CELF4: variants seen among roughly 807,000 people sequenced by gnomAD.
CELF4 encodes the protein CUGBP Elav-like family member 4.
In CELF4, 18 loss-of-function variants were observed where a neutral mutation model predicts 59.9. The observed-to-expected ratio is 0.30, with a 90% CI of 0.21 to 0.45. The LOEUF (loss-of-function observed/expected upper bound fraction) is 0.45, where lower values mean the gene tolerates loss of function less well. CELF4 is among the 20% of genes least tolerant of loss of function. The pLI, the probability that CELF4 is intolerant of heterozygous loss-of-function variation, is 1.00. For synonymous variants in CELF4, 261 were observed against 267.1 expected, an observed-to-expected ratio of 0.98 and a Z score of 0.22; for missense variants, 456 against 689.0, an observed-to-expected ratio of 0.66 and a Z score of 3.79.
At chr18:37,363,881 C>T (rs4799920) in intron 2 of CELF4, among the ~76,000 whole-genome samples, 87,575 of 151,880 alleles carry the variant, frequency 0.58, 25,446 homozygotes, top group South Asian at 0.7. Context: ...TACTCTCTGG[C>T]CTCCTCTGCC....
intron 12 of CELF4, among the ~76,000 whole-genome samples, chr18:37,250,215 T>C (rs559711621): frequency 6.6e-6 from 1 of 152,298 alleles, no homozygotes; most frequent in East Asian, 1.9e-4. Flanking sequence ...ATTTATTTCC[T>C]GGCAAAGATT....
intron 2 of CELF4, among the ~76,000 whole-genome samples, chr18:37,407,385 C>T (rs559364295): frequency 2.0e-5 from 3 of 152,246 alleles, no homozygotes; most frequent in African/African-American, 7.2e-5. Context: ...ATTCCTGGGT[C>T]CCATCACTTC....
At chr18:37,420,680 C>T (rs923756363) in intron 2 of CELF4, among the ~76,000 whole-genome samples, 1 of 152,150 alleles carries the variant, frequency 6.6e-6, no homozygotes, top group African/African-American at 2.4e-5. Flanking sequence ...AAGCATGGGG[C>T]CTGGAACCTG....
intron 2 of CELF4, among the ~76,000 whole-genome samples, chr18:37,389,684 C>T (rs1394477291): frequency 6.6e-6 from 1 of 152,192 alleles, no homozygotes; most frequent in African/African-American, 2.4e-5. Context: ...GTCACCGCAT[C>T]CTGCCCTCCC....
chr18:37,537,386 A>C (rs2154605304), intron 1 of CELF4, among the ~76,000 whole-genome samples: 1 of 152,326 alleles, frequency 6.6e-6, no homozygotes, highest in Admixed American at 6.5e-5. Context: ...GGTGCTCTCT[A>C]TCCAAGAGAA....
At chr18:37,402,949 C>T (rs539128796) in intron 2 of CELF4, among the ~76,000 whole-genome samples, 46 of 152,336 alleles carry the variant, frequency 3.0e-4, no homozygotes, top group African/African-American at 1.1e-3. Context: ...CCTGAACAGG[C>T]CCCAGTCCTG....
chr18:37,402,286 T>A (rs1375252264), intron 2 of CELF4, among the ~76,000 whole-genome samples: 1 of 152,198 alleles, frequency 6.6e-6, no homozygotes, highest in Non-Finnish European at 1.5e-5. Context: ...CATCCGTCTT[T>A]CAGGTTGCCC....
chr18:37,335,692 T>C (rs545444973), intron 2 of CELF4, among the ~76,000 whole-genome samples: 64 of 152,148 alleles, frequency 4.2e-4, no homozygotes, highest in Non-Finnish European at 7.5e-4. Flanking sequence ...CCTCGACCCC[T>C]GAACATCAGG....
At position 37,328,597 on chromosome 18, in the gene CELF4, C is replaced by T. The variant is rs1603499117; in HGVS notation, c.370-6716G>A. ...TTTGCAGCCTTCACCAGGAAGGCAG[C>T]TCTTACCTCCCCATTCCTGTGTGGT... is the stretch of plus-strand genomic sequence containing the variant. On this transcript the variant is annotated intron_variant, in intron 2 of 12. Coordinates refer to ENST00000420428, the MANE Select transcript of CELF4 (RefSeq NM_020180.4). Among the ~76,000 whole-genome samples, 3 of 152,242 alleles carry T rather than the reference C, an allele frequency of 2.0e-5. No homozygotes were observed. In the East Asian group the frequency reaches 5.8e-4, roughly 29 times the overall value.
At chr18:37,271,117 G>GTATC (rs1443780724) in intron 7 of CELF4, among the ~76,000 whole-genome samples, 200 bp from the exon 8 acceptor site, 1 of 152,160 alleles carries the variant, frequency 6.6e-6, no homozygotes, top group African/African-American at 2.4e-5. Flanking sequence ...TATCCCAATT[G>GTATC]TATCTATCCT....
chr18:37,488,971 A>G (rs916687608), intron 1 of CELF4, among the ~76,000 whole-genome samples: 1 of 152,220 alleles, frequency 6.6e-6, no homozygotes, highest in African/African-American at 2.4e-5. Flanking sequence ...CCTACTTGCC[A>G]GTGAGTATGA....
chr18:37,514,814 A>G (rs1358745957), intron 1 of CELF4, among the ~76,000 whole-genome samples: 1 of 152,150 alleles, frequency 6.6e-6, no homozygotes, highest in African/African-American at 2.4e-5. Context: ...GGGTTTATTA[A>G]AAAAATCATT....
chr18:37,421,437 T>C (rs7234088), intron 2 of CELF4, among the ~76,000 whole-genome samples: 12,743 of 152,296 alleles, frequency 0.084, 640 homozygotes, highest in African/African-American at 0.14. Context: ...AGCTTTCTTC[T>C]TTAGCTGTGG....
intron 2 of CELF4, among the ~76,000 whole-genome samples, chr18:37,411,741 T>C (rs756847064): frequency 5.3e-5 from 8 of 152,176 alleles, no homozygotes; most frequent in Non-Finnish European, 8.8e-5. Context: ...CTCAGCAGCT[T>C]ATCGAGAAGG....
intron 2 of CELF4, among the ~76,000 whole-genome samples, chr18:37,358,936 T>C (rs1157969665): frequency 6.6e-6 from 1 of 152,102 alleles, no homozygotes; most frequent in Non-Finnish European, 1.5e-5. Flanking sequence ...ACCCCATCTC[T>C]ACTAAAAATA....
intron 2 of CELF4, among the ~76,000 whole-genome samples, chr18:37,363,817 T>G (rs1410033856): frequency 6.6e-6 from 1 of 152,086 alleles, no homozygotes; most frequent in Non-Finnish European, 1.5e-5. Context: ...CCCTCCCACA[T>G]CTGTGCCTTT....
At chr18:37,521,584 T>C (rs1226490119) in intron 1 of CELF4, among the ~76,000 whole-genome samples, 1 of 152,204 alleles carries the variant, frequency 6.6e-6, no homozygotes. Context: ...AACATACATT[T>C]TGACAGCTTA....
chr18:37,510,275 G>A (rs2099942745), intron 1 of CELF4, among the ~76,000 whole-genome samples: 1 of 152,204 alleles, frequency 6.6e-6, no homozygotes, highest in Admixed American at 6.5e-5. Flanking sequence ...TCAGTGCACA[G>A]TTCCTCAGTG....
chr18:37,276,541 A>G (rs2093320046), intron 3 of CELF4: 1 of 152,120 alleles, frequency 6.6e-6, no homozygotes, highest in African/African-American at 2.4e-5. Context: ...AAGAGTCCCC[A>G]TGGAAAGGAA....
Sources: gnomAD v4.1 joint callset for allele counts (sites outside exome capture counted in the v4.1 genomes callset) on GRCh38, gnomAD v4.1.1 for gene constraint, MANE v1.5 for transcripts, NCBI Gene and HGNC (gene_info 2026-07-23, HGNC 2026-07-21) for gene names.